ZNF385D: variants seen among roughly 807,000 people sequenced by gnomAD.
The protein encoded by ZNF385D is zinc finger protein 659.
A neutral mutation model predicts 35.8 loss-of-function variants in ZNF385D; 15 were observed. That is an observed-to-expected ratio of 0.42 (90% CI 0.28 to 0.64). The LOEUF (loss-of-function observed/expected upper bound fraction) is 0.64, where lower values mean the gene tolerates loss of function less well. Among genes scored for constraint, ZNF385D ranks in the 30% least tolerant of loss-of-function variants. ZNF385D has a pLI of 0.23. For synonymous variants in ZNF385D, 212 were observed against 186.8 expected (o/e 1.13, Z -1.10); for missense variants, 474 against 494.6 (o/e 0.96, Z 0.39).
intron 4 of ZNF385D, among the ~76,000 whole-genome samples, chr3:21,481,316 T>G (rs1704612832): frequency 6.6e-6 from 1 of 152,184 alleles, no homozygotes; most frequent in Non-Finnish European, 1.5e-5. Context: ...GAAACTGCAT[T>G]GAACAATCTA....
chr3:21,887,733 G>A (rs920905832), intron 3 of ZNF385D, among the ~76,000 whole-genome samples: 1 of 152,040 alleles, frequency 6.6e-6, no homozygotes, highest in Non-Finnish European at 1.5e-5. Context: ...AAGTGTCTAA[G>A]ACTTACCCTA....
At chr3:21,746,001 G>T (rs2125539582) in intron 1 of ZNF385D, among the ~76,000 whole-genome samples, 1 of 152,272 alleles carries the variant, frequency 6.6e-6, no homozygotes, top group Admixed American at 6.5e-5. Flanking sequence ...TAAATGCTAT[G>T]ACTGAAGTAC....
intron 3 of ZNF385D, among the ~76,000 whole-genome samples, chr3:21,939,181 G>T (rs907403308): frequency 3.9e-5 from 6 of 152,180 alleles, no homozygotes; most frequent in African/African-American, 1.4e-4. Flanking sequence ...TTTGCCCACT[G>T]AAATACCAAC....
At chr3:22,333,858 T>A (rs1695046844) in intron 2 of ZNF385D, among the ~76,000 whole-genome samples, 1 of 152,184 alleles carries the variant, frequency 6.6e-6, no homozygotes, top group Non-Finnish European at 1.5e-5. Flanking sequence ...AATAGGCAAA[T>A]TCACTGCCAA....
chr3:21,794,125 G>A (rs1476401070), intron 3 of ZNF385D, among the ~76,000 whole-genome samples: 2 of 152,116 alleles, frequency 1.3e-5, no homozygotes, highest in African/African-American at 4.8e-5. Flanking sequence ...AGCCTTATGT[G>A]CGTAGCAAAA....
chr3:21,579,442 TATTCTA>T (rs1435794876), intron 2 of ZNF385D: 6 of 152,298 alleles, frequency 3.9e-5, no homozygotes, highest in Admixed American at 3.9e-4. Context: ...AATTTTCTCT[TATTCTA>T]AAATATGTTC....
intron 4 of ZNF385D, 114 bp downstream of exon 4, chr3:21,510,747 C>G: frequency 5.2e-6 from 7 of 1,347,268 alleles, no homozygotes; most frequent in Non-Finnish European, 7.2e-6. Flanking sequence ...AGAAAGATGG[C>G]TCAAGCATGA....
chr3:22,307,434 T>C (rs2125421807), intron 2 of ZNF385D, among the ~76,000 whole-genome samples: 1 of 152,202 alleles, frequency 6.6e-6, no homozygotes. Flanking sequence ...ATGATAGCAG[T>C]GGTTTAAAGT....
chr3:21,668,753 A>G (rs1375845563), intron 1 of ZNF385D, among the ~76,000 whole-genome samples: 1 of 152,218 alleles, frequency 6.6e-6, no homozygotes, highest in African/African-American at 2.4e-5. Flanking sequence ...ATAGTGCAAA[A>G]TCAAAACCGG....
At chr3:21,659,484 A>G (rs541541270) in intron 2 of ZNF385D, among the ~76,000 whole-genome samples, 2 of 152,266 alleles carry the variant, frequency 1.3e-5, no homozygotes, top group South Asian at 2.1e-4. Context: ...GGTATCTGGT[A>G]TGTAGTAAGC....
intron 2 of ZNF385D, among the ~76,000 whole-genome samples, chr3:21,607,917 C>T (rs1476270444): frequency 6.6e-6 from 1 of 151,934 alleles, no homozygotes; most frequent in Non-Finnish European, 1.5e-5. Flanking sequence ...TGAGATGTCC[C>T]CTTATTCTTC....
At chr3:22,120,421 C>A (rs12485859) in intron 3 of ZNF385D, among the ~76,000 whole-genome samples, 1 of 151,914 alleles carries the variant, frequency 6.6e-6, no homozygotes, top group Non-Finnish European at 1.5e-5. Flanking sequence ...AAGGACTATA[C>A]CCTTATGACC....
In ZNF385D at chr3:21,496,297, A is replaced by G. The variant is rs531303452; in HGVS notation, c.439+14564T>C. Among the ~76,000 whole-genome samples, 195 of 146,438 alleles carry G rather than the reference A, an allele frequency of 1.3e-3. 1 individual carries two copies. The highest frequency in any genetic ancestry group is 3.6e-3 in the Middle Eastern group (1 of 276). On this transcript the variant is annotated intron_variant, in intron 4 of 7. Transcript: ENST00000281523. ...TATATTTATTTACATATATTTATGT[A>G]TTATATATATTTATTTACTCTTTAT...
At position 21,412,362 on chromosome 3, in the gene ZNF385D, G is replaced by A. The variant is rs1164704526; in HGVS notation, c.*8852C>T. The A allele has an allele frequency of 1.3e-5, 2 of 151,928 alleles. No individual in the cohort carries two copies. Among genetic ancestry groups the A allele is most frequent in the African/African-American group, 4.8e-5 (2 of 41,370 alleles). The allele number at this position is 151,928 out of a possible 1,614,324, so 9.4% of individuals were successfully genotyped here. ...TTATATAGGTTTACCATAACTCTCA[G>A]AACAGGAGTATATTACAAACAAGTG... On this transcript the variant is annotated 3_prime_UTR_variant, in exon 8 of 8. Transcript: ENST00000281523.
intron 1 of ZNF385D, among the ~76,000 whole-genome samples, chr3:21,745,650 T>C (rs1251973100): frequency 6.6e-6 from 1 of 152,224 alleles, no homozygotes; most frequent in Non-Finnish European, 1.5e-5. Flanking sequence ...GGAAATGATA[T>C]GTAATGGCTT....
intron 3 of ZNF385D, among the ~76,000 whole-genome samples, chr3:21,896,158 A>G (rs1699123702): frequency 6.6e-6 from 1 of 152,128 alleles, no homozygotes; most frequent in Non-Finnish European, 1.5e-5. Flanking sequence ...CTATGTTTCC[A>G]CTGGCAAGAA....
chr3:22,129,536 G>A (rs1035990579), intron 3 of ZNF385D, among the ~76,000 whole-genome samples: 1 of 152,100 alleles, frequency 6.6e-6, no homozygotes, highest in Admixed American at 6.6e-5. Flanking sequence ...TAATACTCAG[G>A]TTGCAAGACA....
chr3:22,267,369 T>C (rs1190009690), intron 2 of ZNF385D, among the ~76,000 whole-genome samples: 2 of 151,868 alleles, frequency 1.3e-5, no homozygotes, highest in Admixed American at 1.3e-4. Flanking sequence ...TTTTTTCCAT[T>C]GTTTTACCAA....
At chr3:21,875,806 G>A (rs1348055747) in intron 3 of ZNF385D, among the ~76,000 whole-genome samples, 1 of 142,318 alleles carries the variant, frequency 7.0e-6, no homozygotes, top group East Asian at 2.1e-4. Flanking sequence ...AGCTCTATTT[G>A]TACAGCTCTT....
Sources: gnomAD v4.1 joint callset for allele counts (sites outside exome capture counted in the v4.1 genomes callset) on GRCh38, gnomAD v4.1.1 for gene constraint, MANE v1.5 for transcripts, NCBI Gene and HGNC (gene_info 2026-07-23, HGNC 2026-07-21) for gene names.